The following ADGRG2 variants were observed in gnomAD, a reference collection of about 807,000 sequenced individuals.
ADGRG2 encodes G protein-coupled receptor 64.
ADGRG2 carries 26 observed loss-of-function variants against 74.1 expected under a neutral mutation model. That is an observed-to-expected ratio of 0.35 (90% CI 0.26 to 0.49). ADGRG2 has a LOEUF of 0.49. Among genes scored for constraint, ADGRG2 ranks in the 20% least tolerant of loss-of-function variants. ADGRG2 has a pLI of 0.99. For synonymous variants in ADGRG2, 296 were observed against 295.2 expected, an observed-to-expected ratio of 1.00 and a Z score of -0.03; for missense variants, 619 against 763.1, an observed-to-expected ratio of 0.81 and a Z score of 2.22.
chrX:19,053,352 G>A (rs977318111), intron 3 of ADGRG2, among the ~76,000 whole-genome samples: 1 of 110,721 alleles, frequency 9.0e-6, no homozygotes, highest in Admixed American at 9.7e-5. Flanking sequence ...GGATTTTGCG[G>A]GGCGGAGGGG....
At chrX:19,010,282 G>A (rs1038078546) in intron 17 of ADGRG2, among the ~76,000 whole-genome samples, 1 of 106,725 alleles carries the variant, frequency 9.4e-6, no homozygotes, top group Admixed American at 1.0e-4. Flanking sequence ...CACCATGCCT[G>A]GCTAATCTTT....
intron 3 of ADGRG2, among the ~76,000 whole-genome samples, chrX:19,063,728 A>T (rs2061523038): frequency 9.0e-6 from 1 of 111,695 alleles, no homozygotes; most frequent in Non-Finnish European, 1.9e-5. Flanking sequence ...ACACAAAGTG[A>T]TATCCCCAGG....
chrX:19,002,767 T>C, intron 24 of ADGRG2, 79 bp downstream of exon 24: 1 of 982,781 alleles, frequency 1.0e-6, no homozygotes, highest in Non-Finnish European at 1.4e-6. Context: ...TGCTTCATCG[T>C]TTCCACCTGC....
At chrX:19,006,287 C>T (rs2060228451) in intron 20 of ADGRG2, 22 bp from the exon 21 acceptor site, 4 of 998,648 alleles carry the variant, frequency 4.0e-6, no homozygotes, top group South Asian at 2.1e-5. Context: ...AGATAAATCA[C>T]ACATAATTAA....
At chrX:19,110,242 A>G (rs2062386839) in intron 1 of ADGRG2, among the ~76,000 whole-genome samples, 1 of 111,604 alleles carries the variant, frequency 9.0e-6, no homozygotes, top group Non-Finnish European at 1.9e-5. Flanking sequence ...ACAAATCAAC[A>G]AGGAAATTAA....
At chrX:18,998,793 A>G (rs1442585733) in intron 26 of ADGRG2, among the ~76,000 whole-genome samples, 1 of 110,922 alleles carries the variant, frequency 9.0e-6, no homozygotes, top group Non-Finnish European at 1.9e-5. Flanking sequence ...CACTTAATAG[A>G]CTATAGTCTA....
At chrX:19,031,788 T>C (rs191668356) in intron 8 of ADGRG2, 2 of 111,991 alleles carry the variant, frequency 1.8e-5, no homozygotes, top group Admixed American at 1.9e-4. Context: ...AGAAACACTT[T>C]CTCCTTTGGT....
rs749995081 is a variant in ADGRG2 at position 19,003,013 on chromosome X, T to A, written c.2063A>T (p.Tyr688Phe). Residue 688 changes from tyrosine to phenylalanine, a missense_variant, in exon 24 of 29, where the codon TAT (tyrosine) becomes TTT (phenylalanine). Transcript: ENST00000379869. The part of the protein sequence containing the change: ...VFLLDSWIAL[Y>F]KMQGLCISVA... ...TGAGATGCAGAGGCCTTGCATCTTA[T>A]ACAGAGCAATCCACGAGTCCAGGAG... 51 of 1,202,576 alleles carry A rather than the reference T, an allele frequency of 4.2e-5. 1 individual carries two copies. The East Asian group carries it at 1.5e-3, about 36-fold the overall frequency.
intron 2 of ADGRG2, among the ~76,000 whole-genome samples, chrX:19,072,535 G>A (rs1250717350): frequency 8.9e-6 from 1 of 111,902 alleles, no homozygotes; most frequent in Non-Finnish European, 1.9e-5. Flanking sequence ...GCAAATTCGT[G>A]TACTCAGTGA....
chrX:19,052,915 G>A (rs945965552), intron 3 of ADGRG2, among the ~76,000 whole-genome samples: 8 of 110,811 alleles, frequency 7.2e-5, no homozygotes, highest in African/African-American at 2.6e-4. Flanking sequence ...GGCTAGTTTC[G>A]AACTCCTGAC....
intron 1 of ADGRG2, among the ~76,000 whole-genome samples, chrX:19,102,322 T>C (rs1193369022): frequency 9.0e-6 from 1 of 110,714 alleles, no homozygotes; most frequent in Non-Finnish European, 1.9e-5. Context: ...CAGGAACTGA[T>C]ATGAACATAA....
In ADGRG2 at chrX:19,111,091, G is replaced by T. The variant is rs146118686; in HGVS notation, c.-47+11351C>A. Among the ~76,000 whole-genome samples, 359 of 111,701 alleles carry T rather than the reference G, an allele frequency of 3.2e-3. 1 individual carries two copies. The highest frequency in any genetic ancestry group is 0.011 in the African/African-American group (349 of 30,743). On this transcript the variant is annotated intron_variant, in intron 1 of 28. Coordinates refer to ENST00000379869, the MANE Select transcript of ADGRG2 (RefSeq NM_001079858.3). ...ATTGACAAGATTTGTTGATGGGTTG[G>T]ATGTGGGGCATGAAACTAGTAGGTG...
chrX:19,102,773 T>C (rs758591813), intron 1 of ADGRG2, among the ~76,000 whole-genome samples: 8 of 109,729 alleles, frequency 7.3e-5, no homozygotes, highest in African/African-American at 2.4e-4. Context: ...CTCTGCCAAC[T>C]GAGGACACAG....
chrX:19,103,928 T>C (rs777513366), intron 1 of ADGRG2, among the ~76,000 whole-genome samples: 11 of 111,071 alleles, frequency 9.9e-5, no homozygotes, highest in Admixed American at 2.9e-4. Context: ...AAAGGCTGGG[T>C]CCTATCACAC....
chrX:19,078,166 T>C (rs1047177676), intron 2 of ADGRG2, among the ~76,000 whole-genome samples: 1 of 112,493 alleles, frequency 8.9e-6, no homozygotes, highest in African/African-American at 3.2e-5. Context: ...CAGCATGTTC[T>C]TTGACCACAA....
chrX:19,096,715 G>A (rs768189697), intron 1 of ADGRG2, among the ~76,000 whole-genome samples: 2 of 112,087 alleles, frequency 1.8e-5, no homozygotes, highest in African/African-American at 3.2e-5. Flanking sequence ...ATAACAGCCA[G>A]TGTTTAATTG....
intron 3 of ADGRG2, among the ~76,000 whole-genome samples, chrX:19,043,169 T>C (rs2061105629): frequency 1.8e-5 from 2 of 111,892 alleles, no homozygotes; most frequent in Admixed American, 1.9e-4. Flanking sequence ...TTTTTTCTTT[T>C]GGCATTTCTT....
At chrX:19,010,847 T>C (rs1293220346) in intron 16 of ADGRG2, 69 bp from the exon 17 acceptor site, 8 of 807,598 alleles carry the variant, frequency 9.9e-6, no homozygotes, top group Non-Finnish European at 1.4e-5. Context: ...TAAACGTACA[T>C]AGACCCTGTG....
chrX:19,006,322 G>C, intron 20 of ADGRG2, 57 bp from the exon 21 acceptor site: 1 of 693,659 alleles, frequency 1.4e-6, no homozygotes, highest in Non-Finnish European at 2.2e-6. Context: ...AAAAAAAAAA[G>C]CAAAACTGAA....
Sources: gnomAD v4.1 joint callset for allele counts (sites outside exome capture counted in the v4.1 genomes callset) on GRCh38, gnomAD v4.1.1 for gene constraint, MANE v1.5 for transcripts, NCBI Gene and HGNC (gene_info 2026-07-23, HGNC 2026-07-21) for gene names.